ZFHX4: variants seen among roughly 807,000 people sequenced by gnomAD.
ZFHX4 encodes the protein zinc finger homeobox 4, also known as zinc finger homeobox protein 4.
A neutral mutation model predicts 267.6 loss-of-function variants in ZFHX4; 56 were observed. That is an observed-to-expected ratio of 0.21 (90% CI 0.17 to 0.26). The LOEUF (loss-of-function observed/expected upper bound fraction) is 0.26. ZFHX4 is among the 10% of genes least tolerant of loss of function. The pLI, the probability that ZFHX4 is intolerant of heterozygous loss-of-function variation, is 1.00. For missense variants in ZFHX4, 4,332 were observed against 4,420.0 expected, an observed-to-expected ratio of 0.98 and a Z score of 0.56; for synonymous variants, 1,778 against 1,665.6, an observed-to-expected ratio of 1.07 and a Z score of -1.64.
intron 4 of ZFHX4, among the ~76,000 whole-genome samples, chr8:76,785,209 A>G (rs1810655077): frequency 6.6e-6 from 1 of 152,114 alleles, no homozygotes; most frequent in African/African-American, 2.4e-5. Flanking sequence ...ACTGTACCAT[A>G]CTGAGTCAAA....
At chr8:76,831,952 G>T (rs1811943897) in intron 4 of ZFHX4, among the ~76,000 whole-genome samples, 1 of 147,158 alleles carries the variant, frequency 6.8e-6, no homozygotes, top group African/African-American at 2.5e-5. Context: ...AGTAAAGACT[G>T]AGAATAAATT....
chr8:76,682,279 C>A (rs576588918), intron 1 of ZFHX4, among the ~76,000 whole-genome samples: 1 of 152,234 alleles, frequency 6.6e-6, no homozygotes, highest in Non-Finnish European at 1.5e-5. Context: ...TTTCTTCCTC[C>A]TTTTACCACC....
At chr8:76,829,180 A>T (rs1473010919) in intron 4 of ZFHX4, among the ~76,000 whole-genome samples, 2 of 150,998 alleles carry the variant, frequency 1.3e-5, no homozygotes, top group Non-Finnish European at 2.9e-5. Context: ...CTCTGCATAA[A>T]TATCTAGATT....
rs1812981653 is a variant in ZFHX4, at chr8:76,864,615, A to T, written c.*50A>T. The T allele has an allele frequency of 1.5e-6, 2 of 1,305,960 alleles. No individual in the cohort carries two copies. Among genetic ancestry groups the T allele is most frequent in the Non-Finnish European group, 2.0e-6 (2 of 989,110 alleles). The allele number at this position is 1,305,960 out of a possible 1,614,324, so 80.9% of individuals were successfully genotyped here. On this transcript the variant is annotated 3_prime_UTR_variant, in exon 11 of 11. Transcript: ENST00000651372. ...AAAAAAATAAAAAATAAAAAAATAA[A>T]AAAAAAATAAGACTTTAACTGCAGT...
intron 3 of ZFHX4, among the ~76,000 whole-genome samples, chr8:76,735,490 T>A (rs1414631214): frequency 2.6e-5 from 4 of 152,140 alleles, no homozygotes; most frequent in Non-Finnish European, 5.9e-5. Flanking sequence ...AATGTTTTTA[T>A]AAATATTTTT....
At chr8:76,784,421 A>AT (rs1346147876) in intron 4 of ZFHX4, among the ~76,000 whole-genome samples, 1 of 151,938 alleles carries the variant, frequency 6.6e-6, no homozygotes, top group African/African-American at 2.4e-5. Flanking sequence ...AAGAGCAAGT[A>AT]TTTTTTTACC....
In ZFHX4 at chr8:76,856,309, T is replaced by A. The variant is rs1257557681; in HGVS notation, c.9379+9T>A. 2.5e-6 allele frequency: 4 copies of A among 1,613,492 alleles called. 1 individual carries two copies. The South Asian group carries it at 4.4e-5, about 18-fold the overall frequency. On this transcript the variant is annotated intron_variant, in intron 10 of 10. Transcript: ENST00000651372. ...TCCACAAAATTCAAACAGTAAGTCA[T>A]TTAAAGGAGACTCAGTCTAGTTAAT... is the stretch of plus-strand genomic sequence containing the variant.
intron 4 of ZFHX4, among the ~76,000 whole-genome samples, chr8:76,798,822 T>G (rs1585957006): frequency 6.6e-6 from 1 of 152,282 alleles, no homozygotes; most frequent in African/African-American, 2.4e-5. Context: ...CACCTCTTTT[T>G]TTTAAATCAA....
At chr8:76,833,828 G>A (rs1033775808) in intron 5 of ZFHX4, among the ~76,000 whole-genome samples, 6 of 152,052 alleles carry the variant, frequency 3.9e-5, no homozygotes, top group Non-Finnish European at 7.4e-5. Flanking sequence ...TGGATCCATC[G>A]TTATAATATC....
intron 3 of ZFHX4, among the ~76,000 whole-genome samples, chr8:76,745,750 T>A (rs1256385983): frequency 6.6e-6 from 1 of 152,178 alleles, no homozygotes; most frequent in Non-Finnish European, 1.5e-5. Flanking sequence ...AAAGACAGTA[T>A]ATGAACAACA....
Position 76,707,879 on chromosome 8 carries a change from C to T in ZFHX4, c.2924C>T (p.Ala975Val), listed in dbSNP as rs1420755336. ...CATATGCAGAAATATCAACTGGTGG[C>T]TCACATTAAAGAAGGGGGCAAAAGC... ...DKHMQKYQLV[A>V]HIKEGGKSNE... The change falls in exon 3 of 11, where the codon GCT becomes GTT. Residue 975 changes from alanine (A) to valine (V), a missense_variant. Ala to Val is a moderately conservative substitution (Grantham distance 64, BLOSUM62 0). Transcript: ENST00000651372. 6.2e-7 allele frequency: 1 copy of T among 1,614,044 alleles called. No individual in the cohort carries two copies. Among genetic ancestry groups the T allele is most frequent in the Admixed American group, 1.7e-5 (1 of 60,024 alleles).
chr8:76,694,220 T>C (rs1267039891), intron 1 of ZFHX4, among the ~76,000 whole-genome samples: 4 of 152,210 alleles, frequency 2.6e-5, no homozygotes, highest in Admixed American at 6.5e-5. Flanking sequence ...TTATGCTAAA[T>C]GTTAAGGCTC....
chr8:76,863,903 C>A lies in ZFHX4; in HGVS notation c.10189C>A (p.Pro3397Thr). ...AGACTTTTCAGACACTTACGTTGTT[C>A]CATTCGTCAAGTATGAGTTTATATG... ...SADFSDTYVV[P>T]FVKYEFICRK... is the part of the protein sequence containing the mutation. The change falls in exon 11 of 11, where the codon CCA (proline) becomes ACA (threonine). Residue 3397 changes from proline (P) to threonine (T), a missense_variant. By Grantham distance (38) the Pro-to-Thr change is conservative. Coordinates refer to ENST00000651372, the MANE Select transcript of ZFHX4 (RefSeq NM_024721.5). 1 of 1,580,194 alleles carries A rather than the reference C, an allele frequency of 6.3e-7. No homozygotes were observed. Among genetic ancestry groups the A allele is most frequent in the South Asian group, 1.2e-5 (1 of 86,798 alleles).
chr8:76,825,466 T>C (rs1811760283), intron 4 of ZFHX4, among the ~76,000 whole-genome samples: 1 of 152,242 alleles, frequency 6.6e-6, no homozygotes, highest in Non-Finnish European at 1.5e-5. Flanking sequence ...GTTCTCCTAA[T>C]GAAATACTTC....
intron 1 of ZFHX4, among the ~76,000 whole-genome samples, chr8:76,697,442 G>C (rs1014532343): frequency 2.0e-5 from 3 of 151,840 alleles, no homozygotes; most frequent in Non-Finnish European, 1.5e-5. Context: ...TATCAACTAC[G>C]CACTCTTAGA....
At chr8:76,790,452 T>C (rs1810804683) in intron 4 of ZFHX4, among the ~76,000 whole-genome samples, 1 of 152,128 alleles carries the variant, frequency 6.6e-6, no homozygotes, top group Non-Finnish European at 1.5e-5. Flanking sequence ...CTAAAAGTGC[T>C]ATTATTGAAA....
intron 3 of ZFHX4, among the ~76,000 whole-genome samples, chr8:76,777,173 T>C (rs759156596): frequency 6.6e-5 from 10 of 152,324 alleles, no homozygotes; most frequent in Non-Finnish European, 1.3e-4. Context: ...TATTCTTATT[T>C]TGGGAATTTT....
chr8:76,760,993 G>T (rs1809899336), intron 3 of ZFHX4, among the ~76,000 whole-genome samples: 1 of 149,604 alleles, frequency 6.7e-6, no homozygotes, highest in South Asian at 2.1e-4. Flanking sequence ...GAGCCAGTTA[G>T]TTACTAAACA....
chr8:76,754,456 T>A (rs1456372391), intron 3 of ZFHX4, among the ~76,000 whole-genome samples: 1 of 151,788 alleles, frequency 6.6e-6, no homozygotes, highest in Non-Finnish European at 1.5e-5. Flanking sequence ...GCCACTGCAC[T>A]CCAGGCTGGG....
Sources: gnomAD v4.1 joint callset for allele counts (sites outside exome capture counted in the v4.1 genomes callset) on GRCh38, gnomAD v4.1.1 for gene constraint, MANE v1.5 for transcripts, NCBI Gene and HGNC (gene_info 2026-07-23, HGNC 2026-07-21) for gene names.